The following FER variants were observed in gnomAD, a reference collection of about 807,000 sequenced individuals.
FER encodes the protein FER tyrosine kinase.
In FER, 63 loss-of-function variants were observed where a neutral mutation model predicts 111.0. The observed-to-expected ratio is 0.57, with a 90% confidence interval of 0.46 to 0.70. The LOEUF (loss-of-function observed/expected upper bound fraction) is 0.70. FER is among the 30% of genes least tolerant of loss of function. The pLI is 0.00. For synonymous variants in FER, 327 were observed against 313.9 expected, an observed-to-expected ratio of 1.04 and a Z score of -0.44; for missense variants, 914 against 954.0, an observed-to-expected ratio of 0.96 and a Z score of 0.55.
intron 2 of FER, among the ~76,000 whole-genome samples, chr5:108,776,647 G>C (rs992813747): frequency 6.6e-6 from 1 of 152,002 alleles, no homozygotes; most frequent in Non-Finnish European, 1.5e-5. Context: ...TTCCATTTCT[G>C]TTTAAAAACT....
intron 10 of FER, among the ~76,000 whole-genome samples, chr5:108,932,216 C>G (rs1423904364): frequency 3.3e-5 from 5 of 152,092 alleles, no homozygotes; most frequent in South Asian, 2.1e-4. Flanking sequence ...ATTCCTCTCC[C>G]TGTGTCCATG....
intron 16 of FER, chr5:109,052,446 C>G: frequency 7.6e-7 from 1 of 1,311,284 alleles, no homozygotes; most frequent in Non-Finnish European, 1.1e-6. Context: ...CTAAAGTGCT[C>G]CAGTCACGCA....
intron 17 of FER, among the ~76,000 whole-genome samples, chr5:109,175,651 G>A (rs1757596684): frequency 6.6e-6 from 1 of 152,218 alleles, no homozygotes; most frequent in Non-Finnish European, 1.5e-5. Context: ...AATCAGCATA[G>A]TGAAGAGACA....
chr5:109,076,645 C>T (rs1028174817), intron 16 of FER, among the ~76,000 whole-genome samples: 10 of 151,986 alleles, frequency 6.6e-5, no homozygotes, highest in African/African-American at 1.7e-4. Context: ...GCTTTGTTGC[C>T]CAAGCTGGTC....
chr5:108,832,979 T>C, intron 4 of FER, 36 bp downstream of exon 4: 1 of 1,506,604 alleles, frequency 6.6e-7, no homozygotes, highest in South Asian at 1.3e-5. Context: ...TTCTTGAAAT[T>C]GTTTTCCAAA....
intron 3 of FER, among the ~76,000 whole-genome samples, chr5:108,809,321 T>C (rs915692100): frequency 6.6e-6 from 1 of 152,230 alleles, no homozygotes; most frequent in Non-Finnish European, 1.5e-5. Context: ...TTTGTCTGAC[T>C]GCGTTAGTTC....
chr5:108,906,212 A>G (rs958587790), intron 10 of FER, among the ~76,000 whole-genome samples: 3 of 152,180 alleles, frequency 2.0e-5, no homozygotes, highest in African/African-American at 4.8e-5. Flanking sequence ...GTAAACTAGT[A>G]TTGTCTAATA....
At chr5:108,787,283 C>T (rs186930135) in intron 2 of FER, among the ~76,000 whole-genome samples, 6 of 152,346 alleles carry the variant, frequency 3.9e-5, no homozygotes, top group Admixed American at 1.3e-4. Flanking sequence ...TTGCCACCAT[C>T]GTCCCCTCTG....
chr5:108,928,578 CTTTCTGATTGTTTAG>C (rs1343064825), intron 10 of FER, among the ~76,000 whole-genome samples: 1 of 151,912 alleles, frequency 6.6e-6, no homozygotes, highest in East Asian at 1.9e-4. Context: ...TCACATTGCC[CTTTCTGATTGTTTAG>C]TTTTAGGTAC....
intron 16 of FER, among the ~76,000 whole-genome samples, chr5:109,064,069 C>T (rs1009550164): frequency 6.6e-6 from 1 of 152,120 alleles, no homozygotes; most frequent in Admixed American, 6.5e-5. Flanking sequence ...ATTGATATTT[C>T]TTTCTGACCC....
intron 4 of FER, among the ~76,000 whole-genome samples, chr5:108,834,571 G>C (rs548759079): frequency 3.2e-4 from 49 of 152,084 alleles, no homozygotes; most frequent in Admixed American, 2.9e-3. Context: ...GGTGGTGCAC[G>C]TCTGTAACCC....
chr5:108,789,851 C>T (rs1295711014), intron 2 of FER, among the ~76,000 whole-genome samples: 1 of 152,112 alleles, frequency 6.6e-6, no homozygotes, highest in African/African-American at 2.4e-5. Context: ...GATCCACCTG[C>T]CTCAGCCTCC....
chr5:108,866,858 A>G (rs1188339556), intron 5 of FER, among the ~76,000 whole-genome samples: 11 of 152,164 alleles, frequency 7.2e-5, no homozygotes, highest in Non-Finnish European at 1.0e-4. Flanking sequence ...ATTTCTTTAT[A>G]TCTTCATTTG....
intron 3 of FER, among the ~76,000 whole-genome samples, chr5:108,813,123 A>C (rs1365607339): frequency 6.6e-6 from 1 of 152,070 alleles, no homozygotes; most frequent in South Asian, 2.1e-4. Context: ...ATTTTTTTTT[A>C]GGTTTGAAAG....
Position 108,904,413 on chromosome 5 carries a change from G to T in FER, c.1236+6565G>T, listed in dbSNP as rs144309362. On this transcript the variant is annotated intron_variant, in intron 10 of 19. Coordinates refer to ENST00000281092, the MANE Select transcript of FER (RefSeq NM_005246.4). ...GAGAGAGCAAATGAGACTGCTTGGGGTGAGAATATTTCAGGCAGTGGGAAG... is the reference window on the plus strand; with the variant it reads ...GAGAGAGCAAATGAGACTGCTTGGGTTGAGAATATTTCAGGCAGTGGGAAG... Among the ~76,000 whole-genome samples the T allele has an allele frequency of 4.0e-4, 61 of 152,284 alleles. 1 individual carries two copies. In the Middle Eastern group the frequency reaches 0.017, roughly 42 times the overall value.
At chr5:108,844,996 GTATATA>G (rs1178206742) in intron 5 of FER, among the ~76,000 whole-genome samples, 215 of 29,240 alleles carry the variant, frequency 7.4e-3, no homozygotes, top group African/African-American at 0.01. Context: ...GTGTGTGTGT[GTATATA>G]TATATATATA....
At chr5:109,072,599 T>C (rs531441434) in intron 16 of FER, among the ~76,000 whole-genome samples, 1 of 151,918 alleles carries the variant, frequency 6.6e-6, no homozygotes. Flanking sequence ...TTTTTAGTGA[T>C]AGTGACTTAA....
At chr5:109,012,616 T>A (rs1337199724) in intron 13 of FER, among the ~76,000 whole-genome samples, 1 of 152,258 alleles carries the variant, frequency 6.6e-6, no homozygotes, top group Non-Finnish European at 1.5e-5. Context: ...ATCATTGCGA[T>A]GGCACTACAT....
At chr5:108,871,267 C>T (rs7709144) in intron 6 of FER, 98 bp from the exon 7 acceptor site, 257,974 of 945,120 alleles carry the variant, frequency 0.27, 38,101 homozygotes, top group African/African-American at 0.42. Context: ...TACATTTCAA[C>T]ATTACATTTC....
Sources: gnomAD v4.1 joint callset for allele counts (sites outside exome capture counted in the v4.1 genomes callset) on GRCh38, gnomAD v4.1.1 for gene constraint, MANE v1.5 for transcripts, NCBI Gene and HGNC (gene_info 2026-07-23, HGNC 2026-07-21) for gene names.